PRIMPOL: variants seen among roughly 807,000 people sequenced by gnomAD.
PRIMPOL encodes DNA-directed primase/polymerase protein.
In PRIMPOL, 54 loss-of-function variants were observed where a neutral mutation model predicts 63.6. That is an observed-to-expected ratio of 0.85 (90% CI 0.68 to 1.07). The LOEUF (loss-of-function observed/expected upper bound fraction) is 1.07, where lower values mean the gene tolerates loss of function less well. Ranked by LOEUF, PRIMPOL falls within the 50% of genes least tolerant of loss-of-function variation. The probability of loss-of-function intolerance (pLI) is 0.00; values close to 1 mark genes in which losing one functional copy is unlikely to be tolerated. For missense variants in PRIMPOL, 610 were observed against 648.3 expected, an observed-to-expected ratio of 0.94 and a Z score of 0.64; for synonymous variants, 197 against 220.2, an observed-to-expected ratio of 0.89 and a Z score of 0.93.
intron 6 of PRIMPOL, among the ~76,000 whole-genome samples, chr4:184,671,731 C>T (rs1393153727): frequency 2.9e-5 from 4 of 139,590 alleles, no homozygotes; most frequent in Admixed American, 2.4e-4. Context: ...CAATTTATAG[C>T]GACTCGGTTT....
At chr4:184,676,987 ACTTCCCTTCTCCCTTCCCCCTTCC>A (rs1487602237) in intron 7 of PRIMPOL, among the ~76,000 whole-genome samples, 87 of 2,020 alleles carry the variant, frequency 0.043, 1 homozygote, top group Middle Eastern at 0.25. Flanking sequence ...TTCCCCCTTC[ACTTCCCTTCTCCCTTCCCCCTTCC>A]CTTCCCTTCT....
intron 9 of PRIMPOL, 97 bp from the exon 10 acceptor site, chr4:184,685,312 A>T (rs1381327585): frequency 2.3e-6 from 2 of 859,878 alleles, no homozygotes; most frequent in Non-Finnish European, 3.8e-6. Flanking sequence ...AGGCTGAGAG[A>T]TTGCAAAACC....
rs73873005 is a variant in PRIMPOL, at chr4:184,652,361, T to C, written c.-60+261T>C. 9.7e-3 allele frequency among the ~76,000 whole-genome samples: 1,467 copies of C among 151,828 alleles called. 24 individuals carry two copies. Among genetic ancestry groups the C allele is most frequent in the African/African-American group, 0.034 (1,398 of 41,364 alleles). ...GGTGATTGGGCTGGCAGAGTTATGC[T>C]GTTTGGATGGGAGATCCTGTGGGGA... On this transcript the variant is annotated intron_variant, in intron 2 of 13. Transcript: ENST00000314970.
chr4:184,656,485 A>G (rs908114025), intron 2 of PRIMPOL, among the ~76,000 whole-genome samples: 1 of 152,186 alleles, frequency 6.6e-6, no homozygotes, highest in South Asian at 2.1e-4. Flanking sequence ...CGTGGTTGAC[A>G]TGGAAGTATT....
intron 6 of PRIMPOL, among the ~76,000 whole-genome samples, chr4:184,667,455 C>T (rs1191733617): frequency 1.3e-5 from 2 of 152,130 alleles, no homozygotes; most frequent in Non-Finnish European, 2.9e-5. Flanking sequence ...AGACTACAGG[C>T]GTGTGCCACC....
chr4:184,658,864 C>T (rs965302385), intron 3 of PRIMPOL, among the ~76,000 whole-genome samples: 22 of 150,066 alleles, frequency 1.5e-4, no homozygotes, highest in East Asian at 5.9e-4. Context: ...GTCGAGATCA[C>T]GCCACTGCAC....
At position 184,691,520 on chromosome 4, in the gene PRIMPOL, T is replaced by C. The variant is rs138712255; in HGVS notation, c.1317T>C (p.Asn439=). 6 of 1,601,460 alleles carry C rather than the reference T, an allele frequency of 3.7e-6. No individual in the cohort carries two copies. In the African/African-American group the frequency reaches 8.1e-5, roughly 22 times the overall value. ...AAAGGATTCTGGTTGATCTGAAAAA[T>C]GAAGTTTGGTATCAAAAATGTCATG... is the stretch of plus-strand genomic sequence containing the variant. The part of the protein sequence containing the change: ...NNIMILVDLK[N]EVWYQKCHDP... The change falls in exon 12 of 14, where the codon AAT becomes AAC. Residue 439 remains asparagine, a synonymous_variant. Coordinates refer to ENST00000314970, the MANE Select transcript of PRIMPOL (RefSeq NM_152683.4).
intron 8 of PRIMPOL, among the ~76,000 whole-genome samples, chr4:184,682,001 A>T (rs565479653): frequency 1.7e-4 from 26 of 152,336 alleles, no homozygotes; most frequent in African/African-American, 6.0e-4. Flanking sequence ...TAAGGATAGT[A>T]TTATAAGTAA....
chr4:184,668,007 A>G (rs879099370), intron 6 of PRIMPOL, among the ~76,000 whole-genome samples: 2 of 152,056 alleles, frequency 1.3e-5, no homozygotes, highest in African/African-American at 2.4e-5. Flanking sequence ...TTTTCTCACA[A>G]TCCTTCAGAT....
At chr4:184,678,119 A>G in intron 7 of PRIMPOL, 113 bp from the exon 8 acceptor site, 1 of 596,632 alleles carries the variant, frequency 1.7e-6, no homozygotes, top group Non-Finnish European at 2.8e-6. Context: ...TTACAGCTAT[A>G]TATAGAAAAT....
At chr4:184,656,390 A>G (rs1746450760) in intron 2 of PRIMPOL, among the ~76,000 whole-genome samples, 1 of 151,836 alleles carries the variant, frequency 6.6e-6, no homozygotes, top group Non-Finnish European at 1.5e-5. Context: ...AAGTTTTCCC[A>G]CTCTTCTAAA....
rs893427992 is a variant in PRIMPOL, at chr4:184,663,761, C to A, written c.408+1858C>A. On this transcript the variant is annotated intron_variant, in intron 5 of 13. Transcript: ENST00000314970. ...TGTTTACCATGTTGATAGAACAGTT[C>A]TCATTGGATTACTTTACTTAATATA... Among the ~76,000 whole-genome samples, 3 of 152,158 alleles carry A rather than the reference C, an allele frequency of 2.0e-5. No individual in the cohort carries two copies. In the South Asian group the frequency reaches 6.2e-4, roughly 32 times the overall value.
At chr4:184,669,458 G>A (rs1750965329) in intron 6 of PRIMPOL, among the ~76,000 whole-genome samples, 1 of 152,214 alleles carries the variant, frequency 6.6e-6, no homozygotes, top group Non-Finnish European at 1.5e-5. Flanking sequence ...TGCCGTCAGG[G>A]TGTGGAGGCA....
intron 7 of PRIMPOL, among the ~76,000 whole-genome samples, chr4:184,676,383 CCTTT>C (rs1753412656): frequency 1.0e-5 from 1 of 98,492 alleles, no homozygotes; most frequent in African/African-American, 4.3e-5. Context: ...CCCTTCCCTT[CCTTT>C]CCCTTCCCTT....
At chr4:184,655,282 T>C (rs1039709754) in intron 2 of PRIMPOL, among the ~76,000 whole-genome samples, 1 of 146,988 alleles carries the variant, frequency 6.8e-6, no homozygotes, top group African/African-American at 2.5e-5. Flanking sequence ...AGTGCTGGGA[T>C]TACAGGCATG....
In PRIMPOL at chr4:184,685,648, A is replaced by G; in HGVS notation, c.1259A>G (p.Glu420Gly). 1 of 1,605,074 alleles carries G rather than the reference A, an allele frequency of 6.2e-7. No homozygotes were observed. The highest frequency in any genetic ancestry group is 8.5e-7 in the Non-Finnish European group (1 of 1,172,028). ...GATATTTGTAAATATCGGTGGTGTG[A>G]AAACATTGGAAGAGCCCATAAGAGT... is the stretch of plus-strand genomic sequence containing the variant. Reference protein sequence around the residue: ...VYDICKYRWCENIGRAHKSNN... With the variant: ...VYDICKYRWCGNIGRAHKSNN... The change falls in exon 11 of 14, where the codon GAA becomes GGA. Residue 420 changes from glutamate to glycine, a missense_variant. By Grantham distance (98) the Glu-to-Gly change is moderately conservative. Coordinates refer to ENST00000314970, the MANE Select transcript of PRIMPOL (RefSeq NM_152683.4).
Position 184,678,360 on chromosome 4 carries a change from C to T in PRIMPOL, c.973C>T (p.Gln325Ter), listed in dbSNP as rs753305972. The change falls in exon 8 of 14, where the codon CAA becomes TAA. Residue 325 changes from glutamine (Q) to a stop codon, truncating the protein, a stop_gained. Transcript: ENST00000314970. LOFTEE classifies it high-confidence loss of function. ...GTCAAAAGATGTTTCTGACGAATAT[C>T]AATATTTTCTCTCTTCTTTGGTCAG... is the stretch of plus-strand genomic sequence containing the variant. ...IQSKDVSDEY[Q>*]YFLSSLVSNV... The T allele has an allele frequency of 6.2e-7, 1 of 1,606,436 alleles. No homozygotes were observed. Among genetic ancestry groups the T allele is most frequent in the East Asian group, 2.3e-5 (1 of 44,408 alleles).
Position 184,674,659 on chromosome 4 carries a change from A to G in PRIMPOL, c.844+2199A>G, listed in dbSNP as rs114368273. ...CTACTCTTGACCGGAAGCCTCATTG[A>G]TAACATAAACAGTTGATTAACCATG... On this transcript the variant is annotated intron_variant, in intron 7 of 13. Transcript: ENST00000314970. Among the ~76,000 whole-genome samples, 447 of 152,342 alleles carry G rather than the reference A, an allele frequency of 2.9e-3. 1 individual carries two copies. Among genetic ancestry groups the G allele is most frequent in the Non-Finnish European group, 5.7e-3 (385 of 68,028 alleles).
intron 2 of PRIMPOL, among the ~76,000 whole-genome samples, chr4:184,652,742 A>G (rs993867825): frequency 6.6e-6 from 1 of 152,190 alleles, no homozygotes; most frequent in African/African-American, 2.4e-5. Flanking sequence ...TTACCAAATC[A>G]TAGAACTAGA....
Sources: allele counts gnomAD v4.1 joint callset (sites outside exome capture counted in the v4.1 genomes callset), GRCh38; gene constraint gnomAD v4.1.1; transcripts MANE v1.5; gene names NCBI Gene and HGNC (gene_info 2026-07-23, HGNC 2026-07-21).